The following TEX11 variants were observed in gnomAD, a reference collection of about 807,000 sequenced individuals.
TEX11 encodes testis expressed 11.
A neutral mutation model predicts 84.4 loss-of-function variants in TEX11; 7 were observed. The observed-to-expected ratio is 0.08, with a 90% CI of 0.05 to 0.16. TEX11 has a LOEUF of 0.16. Among genes scored for constraint, TEX11 ranks in the 10% least tolerant of loss-of-function variants. TEX11 has a pLI of 1.00. For synonymous variants in TEX11, 264 were observed against 222.8 expected (o/e 1.18, Z -1.64); for missense variants, 551 against 660.5 (o/e 0.83, Z 1.82).
chrX:70,895,285 G>A (rs1372903612), intron 2 of TEX11, among the ~76,000 whole-genome samples: 3 of 111,196 alleles, frequency 2.7e-5, no homozygotes, highest in Non-Finnish European at 5.7e-5. Flanking sequence ...GCTACAAAAA[G>A]AATAAAATAT....
chrX:70,521,105 G>C, the TEX11 span, among the ~76,000 whole-genome samples: 4 of 111,090 alleles, frequency 3.6e-5, no homozygotes, highest in African/African-American at 1.3e-4. Flanking sequence ...GTGAGGTGAT[G>C]TCCCGCCCTG....
chrX:70,729,534 C>T (rs772134271), intron 11 of TEX11, among the ~76,000 whole-genome samples: 1 of 111,205 alleles, frequency 9.0e-6, no homozygotes, highest in East Asian at 2.8e-4. Flanking sequence ...GTAGCGGATT[C>T]GATCAACTGG....
intron 17 of TEX11, among the ~76,000 whole-genome samples, chrX:70,644,765 A>C (rs1390386843): frequency 7.9e-4 from 52 of 65,458 alleles, no homozygotes; most frequent in African/African-American, 2.9e-3. Flanking sequence ...CACTCTGGGG[A>C]CTGTTGTGGG....
In TEX11 at chrX:70,588,773, A is replaced by G. The variant is rs138478662; in HGVS notation, c.2140+2978T>C. 9.0e-5 allele frequency among the ~76,000 whole-genome samples: 10 copies of G among 111,112 alleles called. No individual in the cohort carries two copies. In the East Asian group the frequency reaches 2.8e-3, roughly 31 times the overall value. ...AGACAAATATTGTATGATTCACTTA[A>G]AGGAAATATCTAGGGTTGGGCATGG... On this transcript the variant is annotated intron_variant, in intron 25 of 29. Transcript: ENST00000374333.
intron 11 of TEX11, among the ~76,000 whole-genome samples, chrX:70,726,953 C>T (rs113731105): frequency 2.7e-5 from 3 of 110,447 alleles, no homozygotes; most frequent in Admixed American, 9.7e-5. Context: ...CCTGTCTCAG[C>T]CTCCCAATGT....
chrX:70,569,620 TAACA>T (rs1314688340), intron 25 of TEX11, among the ~76,000 whole-genome samples: 1 of 112,183 alleles, frequency 8.9e-6, no homozygotes, highest in African/African-American at 3.2e-5. Flanking sequence ...GCTTTCCTTC[TAACA>T]GACAGGACCC....
chrX:70,622,109 T>C (rs1174772228), intron 20 of TEX11, among the ~76,000 whole-genome samples: 1 of 112,097 alleles, frequency 8.9e-6, no homozygotes, highest in Non-Finnish European at 1.9e-5. Flanking sequence ...TTTAAAATTT[T>C]ACAGATGAGG....
chrX:70,817,408 G>A (rs2091294445), intron 8 of TEX11, among the ~76,000 whole-genome samples: 1 of 111,746 alleles, frequency 8.9e-6, no homozygotes, highest in African/African-American at 3.3e-5. Flanking sequence ...AAGGTCTCCT[G>A]AGATACATAG....
intron 8 of TEX11, among the ~76,000 whole-genome samples, chrX:70,823,210 A>G (rs60400902): frequency 0.036 from 3,973 of 111,709 alleles, 166 homozygotes; most frequent in African/African-American, 0.12. Flanking sequence ...AACTTACAAA[A>G]GCAGAGAATA....
intron 24 of TEX11, among the ~76,000 whole-genome samples, chrX:70,593,538 AT>A (rs1281643408): frequency 2.7e-5 from 3 of 112,168 alleles, no homozygotes; most frequent in African/African-American, 9.7e-5. Flanking sequence ...ACAGGAACTG[AT>A]TTTGAAAAAG....
At chrX:70,586,472 CA>C (rs1000250471) in intron 25 of TEX11, among the ~76,000 whole-genome samples, 27 of 111,232 alleles carry the variant, frequency 2.4e-4, no homozygotes, top group African/African-American at 8.8e-4. Flanking sequence ...AACGCAACAC[CA>C]AAAAACAACC....
At chrX:70,842,632 G>A (rs1371979880) in intron 7 of TEX11, among the ~76,000 whole-genome samples, 1 of 111,516 alleles carries the variant, frequency 9.0e-6, no homozygotes, top group African/African-American at 3.3e-5. Flanking sequence ...TGCTGGCCAA[G>A]GCAATTAGGC....
intron 8 of TEX11, among the ~76,000 whole-genome samples, chrX:70,820,316 A>G (rs1418717596): frequency 8.9e-6 from 1 of 112,191 alleles, no homozygotes; most frequent in African/African-American, 3.2e-5. Flanking sequence ...CACAATGAAG[A>G]AAAGACAGTC....
chrX:70,752,677 C>T (rs538258997), intron 9 of TEX11, among the ~76,000 whole-genome samples: 1 of 110,470 alleles, frequency 9.1e-6, no homozygotes, highest in Admixed American at 9.7e-5. Context: ...CTCCACCAAT[C>T]GTCCCTCCTG....
intron 7 of TEX11, among the ~76,000 whole-genome samples, chrX:70,841,554 C>T (rs1217543783): frequency 1.8e-5 from 2 of 110,703 alleles, no homozygotes; most frequent in African/African-American, 6.6e-5. Context: ...GACACCCTAA[C>T]ATCACAATTA....
chrX:70,565,932 T>A (rs2088466471), intron 25 of TEX11, among the ~76,000 whole-genome samples: 1 of 110,377 alleles, frequency 9.1e-6, no homozygotes, highest in African/African-American at 3.3e-5. Context: ...TTTTTCCAAT[T>A]CTGTGAAGAA....
chrX:70,816,576 A>G (rs1259354256), intron 8 of TEX11, among the ~76,000 whole-genome samples: 1 of 109,927 alleles, frequency 9.1e-6, no homozygotes, highest in African/African-American at 3.3e-5. Context: ...GCCAGGCACA[A>G]TGGGTCATGT....
intron 13 of TEX11, among the ~76,000 whole-genome samples, chrX:70,689,774 A>G (rs2090219463): frequency 8.9e-6 from 1 of 112,228 alleles, no homozygotes; most frequent in Non-Finnish European, 1.9e-5. Flanking sequence ...ATTTATCTAG[A>G]TAAGTATGCC....
intron 9 of TEX11, among the ~76,000 whole-genome samples, chrX:70,768,028 T>TA (rs1283673878): frequency 9.0e-6 from 1 of 110,878 alleles, no homozygotes; most frequent in Admixed American, 9.7e-5. Flanking sequence ...TTAATGGTTA[T>TA]AAAAAATAGT....
Sources: gnomAD v4.1 joint callset for allele counts (sites outside exome capture counted in the v4.1 genomes callset) on GRCh38, gnomAD v4.1.1 for gene constraint, MANE v1.5 for transcripts, NCBI Gene and HGNC (gene_info 2026-07-23, HGNC 2026-07-21) for gene names.